The following LTF variants were observed in gnomAD, a reference collection of about 807,000 sequenced individuals.
The protein encoded by LTF is lactotransferrin.
LTF carries 91 observed loss-of-function variants against 87.2 expected under a neutral mutation model. That is an observed-to-expected ratio of 1.04 (90% CI 0.88 to 1.24). LTF has a LOEUF of 1.24. Among genes scored for constraint, LTF ranks in the 50% most tolerant of loss-of-function variants. The probability of loss-of-function intolerance (pLI) is 0.00; values close to 1 mark genes in which losing one functional copy is unlikely to be tolerated. For synonymous variants in LTF, 378 were observed against 356.1 expected (o/e 1.06, Z -0.69); for missense variants, 901 against 904.3 (o/e 1.00, Z 0.05).
intron 5 of LTF, 137 bp downstream of exon 5, chr3:46,455,158 A>T: frequency 9.6e-7 from 1 of 1,043,940 alleles, no homozygotes; most frequent in Non-Finnish European, 1.4e-6. Flanking sequence ...CTCTCTTTGG[A>T]CACACAGCAG....
chr3:46,456,457 G>A, intron 2 of LTF, 59 bp from the exon 3 acceptor site: 1 of 1,376,374 alleles, frequency 7.3e-7, no homozygotes, highest in Non-Finnish European at 1.0e-6. Context: ...CCAGCAAGTG[G>A]GACTTCAGGA....
At chr3:46,444,855 T>G (rs1287771715) in intron 12 of LTF, among the ~76,000 whole-genome samples, 1 of 152,202 alleles carries the variant, frequency 6.6e-6, no homozygotes, top group African/African-American at 2.4e-5. Flanking sequence ...CAGGCTCCGT[T>G]GCAGTGTAGA....
In LTF at chr3:46,447,275, G is replaced by A. The variant is rs372102405; in HGVS notation, c.1303+33C>T. On this transcript the variant is annotated intron_variant, in intron 10 of 16. Transcript: ENST00000231751. Reference sequence around the variant, plus strand: ...CATAGCCCCACTCCCATGACCCAGAGGGAATATACCAGAGGATGCTAACTC... The same window carrying A: ...CATAGCCCCACTCCCATGACCCAGAAGGAATATACCAGAGGATGCTAACTC... 17 of 1,542,734 alleles carry A rather than the reference G, an allele frequency of 1.1e-5. No homozygotes were observed. In the Middle Eastern group the frequency reaches 1.0e-3, roughly 92 times the overall value.
At chr3:46,437,879 C>T in intron 16 of LTF, 61 bp downstream of exon 16, 1 of 1,384,842 alleles carries the variant, frequency 7.2e-7, no homozygotes, top group Non-Finnish European at 1.0e-6. Context: ...GCTGTTTGGC[C>T]CTCAAACCTT....
chr3:46,453,959 G>C, intron 6 of LTF: 1 of 276,466 alleles, frequency 3.6e-6, no homozygotes. Context: ...AACCCAAGTA[G>C]CAGGATTTCT....
Position 46,464,827 on chromosome 3 carries a change from AGG to A in LTF, c.39_40del (p.Leu14ArgfsTer8). On this transcript the variant is annotated frameshift_variant, in exon 1 of 17. Transcript: ENST00000231751. LOFTEE classifies it high-confidence loss of function. Reference sequence around the variant, plus strand: ...CGCCCCCAGGCACCTGCACTCACCGAGGGCCCCGAGGAACAGCAGGACGAGGA... The same window carrying A: ...CGCCCCCAGGCACCTGCACTCACCGAGCCCCGAGGAACAGCAGGACGAGGA... 1.9e-6 allele frequency: 3 copies of A among 1,613,880 alleles called. No individual in the cohort carries two copies. The highest frequency in any genetic ancestry group is 2.5e-6 in the Non-Finnish European group (3 of 1,179,974).
chr3:46,437,858 G>A lies in LTF; in HGVS notation c.2098+82C>T, dbSNP rs150339367. The A allele has an allele frequency of 1.4e-4, 149 of 1,047,946 alleles. No individual in the cohort carries two copies. The East Asian group carries it at 1.6e-3, about 11-fold the overall frequency. The allele number at this position is 1,047,946 out of a possible 1,614,324, so 64.9% of individuals were successfully genotyped here. On this transcript the variant is annotated intron_variant, in intron 16 of 16. Transcript: ENST00000231751. ...CCTTAACATTTTTACACCTGTGTTC[G>A]TTCCTAGAATGCTGTTTGGCCCTCA...
At position 46,438,004 on chromosome 3, in the gene LTF, A is replaced by G. The variant is rs1223807245; in HGVS notation, c.2034T>C (p.Tyr678=). 6.2e-7 allele frequency: 1 copy of G among 1,613,608 alleles called. No individual in the cohort carries two copies. Among genetic ancestry groups the G allele is most frequent in the East Asian group, 2.2e-5 (1 of 44,892 alleles). ...CLARLHGKTT[Y]EKYLGPQYVA... ...CATACTGTGGTCCCAAATATTTTTC[A>G]TATGTTGTTTTGCCATGGAGTCTGG... The change falls in exon 16 of 17, where the codon TAT becomes TAC. Residue 678 remains tyrosine, a synonymous_variant. Transcript: ENST00000231751.
upstream of LTF, among the ~76,000 whole-genome samples, chr3:46,467,249 A>T (rs1703228130): frequency 1.4e-5 from 2 of 145,238 alleles, no homozygotes; most frequent in South Asian, 4.5e-4. Flanking sequence ...TTCATGCCAG[A>T]ACTGGTAGAT....
chr3:46,451,613 G>A (rs993835177), intron 6 of LTF, among the ~76,000 whole-genome samples: 4 of 151,668 alleles, frequency 2.6e-5, no homozygotes. Context: ...TGTTTGTTTT[G>A]AGACGGAGTC....
chr3:46,481,518 T>A (rs1347938313), intron 1 of LTF, among the ~76,000 whole-genome samples: 1 of 152,220 alleles, frequency 6.6e-6, no homozygotes, highest in Non-Finnish European at 1.5e-5. Flanking sequence ...CTCAAACACC[T>A]ATGCCACTAA....
chr3:46,482,621 A>G (rs1559614706), intron 1 of LTF, among the ~76,000 whole-genome samples: 7 of 51,980 alleles, frequency 1.3e-4, no homozygotes, highest in African/African-American at 4.1e-4. Context: ...AGAAAGAAAG[A>G]AAGAAAGAAA....
At chr3:46,459,226 C>A (rs80085459) in intron 2 of LTF, among the ~76,000 whole-genome samples, 8,515 of 152,306 alleles carry the variant, frequency 0.056, 796 homozygotes, top group African/African-American at 0.2. Context: ...ACACCCAGCA[C>A]CCTGGCAGGC....
chr3:46,484,013 A>T (rs531972482), intron 1 of LTF, among the ~76,000 whole-genome samples: 29 of 152,050 alleles, frequency 1.9e-4, no homozygotes, highest in Non-Finnish European at 4.1e-4. Context: ...TAACCTTGGC[A>T]CTCCCCAGAG....
intron 1 of LTF, among the ~76,000 whole-genome samples, chr3:46,482,707 A>AAGGAAGGAAGGAAGGAAG (rs1559614952): frequency 9.7e-6 from 1 of 103,182 alleles, no homozygotes; most frequent in African/African-American, 4.2e-5. Flanking sequence ...AAGGAAGGAA[A>AAGGAAGGAAGGAAGGAAG]GAAAGAAAGA....
chr3:46,456,422 G>C (rs764091257), intron 2 of LTF, 24 bp from the exon 3 acceptor site: 1 of 1,598,166 alleles, frequency 6.3e-7, no homozygotes, highest in Non-Finnish European at 8.6e-7. Flanking sequence ...GGCCAGACTG[G>C]CTTCAGCAGA....
chr3:46,455,233 G>A, intron 5 of LTF, 62 bp downstream of exon 5: 3 of 1,605,728 alleles, frequency 1.9e-6, no homozygotes, highest in Middle Eastern at 3.4e-4. Flanking sequence ...CAGAGAAAAG[G>A]CCTCCCGGCC....
intron 4 of LTF, 96 bp downstream of exon 4, chr3:46,455,700 T>G (rs1176025760): frequency 2.9e-6 from 4 of 1,393,466 alleles, no homozygotes; most frequent in Non-Finnish European, 2.9e-6. Context: ...CCTTGATTCA[T>G]CCCACACTTT....
upstream of LTF, chr3:46,464,941 GCTTT>G: frequency 1.3e-6 from 2 of 1,489,736 alleles, no homozygotes; most frequent in African/African-American, 1.4e-5. Context: ...TTTATTCAGG[GCTTT>G]GCCCCGCCCT....
Sources: gnomAD v4.1 joint callset for allele counts (sites outside exome capture counted in the v4.1 genomes callset) on GRCh38, gnomAD v4.1.1 for gene constraint, MANE v1.5 for transcripts, NCBI Gene and HGNC (gene_info 2026-07-23, HGNC 2026-07-21) for gene names.